The following PAM variants were observed in gnomAD, a reference collection of about 807,000 sequenced individuals.
PAM encodes peptidylglycine alpha-amidating monooxygenase.
A neutral mutation model predicts 122.1 loss-of-function variants in PAM; 72 were observed. The observed-to-expected ratio is 0.59, with a 90% CI of 0.49 to 0.72. The LOEUF (loss-of-function observed/expected upper bound fraction) is 0.72, where lower values mean the gene tolerates loss of function less well. Among genes scored for constraint, PAM ranks in the 30% least tolerant of loss-of-function variants. The pLI, the probability that PAM is intolerant of heterozygous loss-of-function variation, is 0.00. For missense variants in PAM, 1,106 were observed against 1,183.7 expected, an observed-to-expected ratio of 0.93 and a Z score of 0.96; for synonymous variants, 389 against 404.4, an observed-to-expected ratio of 0.96 and a Z score of 0.46.
chr5:103,023,504 C>T (rs1220896625), intron 23 of PAM, among the ~76,000 whole-genome samples: 1 of 143,976 alleles, frequency 6.9e-6, no homozygotes, highest in Non-Finnish European at 1.5e-5. Context: ...CCTATAGCAA[C>T]CAAAAAAAAA....
intron 1 of PAM, among the ~76,000 whole-genome samples, chr5:102,781,774 A>C (rs1219906323): frequency 6.6e-6 from 1 of 152,230 alleles, no homozygotes; most frequent in East Asian, 1.9e-4. Context: ...GATTAAGCCC[A>C]GAAATATTTT....
intron 1 of PAM, among the ~76,000 whole-genome samples, chr5:102,841,444 C>CACAA (rs1778608167): frequency 6.7e-6 from 1 of 149,276 alleles, no homozygotes; most frequent in Non-Finnish European, 1.5e-5. Context: ...CACACACACA[C>CACAA]AAAGTAGTTA....
intron 3 of PAM, among the ~76,000 whole-genome samples, chr5:102,868,706 G>T (rs1255140673): frequency 6.7e-6 from 1 of 148,746 alleles, no homozygotes; most frequent in East Asian, 2.0e-4. Context: ...CCACTAATTG[G>T]GTTTTCAAGC....
intron 7 of PAM, among the ~76,000 whole-genome samples, chr5:102,928,916 G>A (rs1342453197): frequency 6.6e-6 from 1 of 152,030 alleles, no homozygotes; most frequent in African/African-American, 2.4e-5. Flanking sequence ...AAACTGGAAA[G>A]TTCTCAAATG....
intron 16 of PAM, among the ~76,000 whole-genome samples, chr5:102,995,654 A>T (rs1235028647): frequency 1.3e-5 from 2 of 152,092 alleles, no homozygotes; most frequent in Non-Finnish European, 2.9e-5. Flanking sequence ...GGCCTTATTG[A>T]CTGAATAGAA....
chr5:102,925,436 AGACCTCAGCTGGCTTTCT>A (rs1749083769), intron 6 of PAM, among the ~76,000 whole-genome samples: 1 of 152,216 alleles, frequency 6.6e-6, no homozygotes, highest in Non-Finnish European at 1.5e-5. Context: ...TGTGATGCCA[AGACCTCAGCTGGCTTTCT>A]GACTGCACCT....
chr5:102,853,365 T>A (rs1368916367), intron 1 of PAM, among the ~76,000 whole-genome samples: 2 of 152,168 alleles, frequency 1.3e-5, no homozygotes, highest in South Asian at 4.1e-4. Flanking sequence ...GTATTTTAAT[T>A]TGGGTTTTTA....
intron 5 of PAM, among the ~76,000 whole-genome samples, chr5:102,919,519 C>T (rs897836961): frequency 5.9e-5 from 9 of 151,850 alleles, no homozygotes; most frequent in South Asian, 2.1e-4. Flanking sequence ...TTTTTTCTGC[C>T]GTAGGAAACT....
chr5:103,017,511 C>A, intron 22 of PAM, 78 bp downstream of exon 22: 1 of 865,974 alleles, frequency 1.2e-6, no homozygotes, highest in Non-Finnish European at 1.9e-6. Context: ...AAAACATTTG[C>A]ATTTCCTTAT....
intron 15 of PAM, chr5:102,987,369 T>C (rs1195494068): frequency 1.6e-5 from 5 of 311,692 alleles, no homozygotes; most frequent in Non-Finnish European, 3.1e-5. Flanking sequence ...AATAGAATGA[T>C]AGTTACCAGA....
intron 5 of PAM, among the ~76,000 whole-genome samples, chr5:102,921,662 T>C (rs1747502914): frequency 6.6e-6 from 1 of 152,192 alleles, no homozygotes; most frequent in African/African-American, 2.4e-5. Flanking sequence ...GAGAATAAAA[T>C]ATAAAATCAT....
chr5:102,913,986 T>C lies in PAM; in HGVS notation c.321T>C (p.Phe107=), dbSNP rs1477979358. The C allele has an allele frequency of 3.7e-6, 6 of 1,604,174 alleles. No individual in the cohort carries two copies. The highest frequency in any genetic ancestry group is 3.3e-5 in the South Asian group (3 of 90,884). The change falls in exon 5 of 26, where the codon TTT becomes TTC. Residue 107 remains phenylalanine (F), a synonymous_variant. Coordinates refer to ENST00000438793, the MANE Select transcript of PAM (RefSeq NM_001177306.2). ...SMDTVHHMLL[F]GCNMPSSTGS... is the part of the protein sequence containing the mutation. ...ATACTGTCCATCACATGTTACTTTT[T>C]GGATGCAATATGCCTTCATCCACTG...
At chr5:102,976,557 C>A (rs1297920826) in intron 15 of PAM, among the ~76,000 whole-genome samples, 1 of 151,098 alleles carries the variant, frequency 6.6e-6, no homozygotes, top group Non-Finnish European at 1.5e-5. Context: ...CTTCTCCAGG[C>A]AAAGCTGAGA....
intron 1 of PAM, among the ~76,000 whole-genome samples, chr5:102,762,394 A>T (rs1205083020): frequency 1.3e-5 from 2 of 152,122 alleles, no homozygotes; most frequent in East Asian, 3.9e-4. Context: ...ATCTTTTGAG[A>T]ACTGTTTCCA....
intron 1 of PAM, among the ~76,000 whole-genome samples, chr5:102,760,364 A>G (rs965381148): frequency 6.6e-6 from 1 of 152,056 alleles, no homozygotes; most frequent in African/African-American, 2.4e-5. Context: ...CTCACCCTAG[A>G]ATTTTCTGTC....
intron 8 of PAM, 56 bp from the exon 9 acceptor site, chr5:102,948,322 A>G: frequency 5.1e-6 from 5 of 978,886 alleles, no homozygotes; most frequent in Non-Finnish European, 6.5e-6. Context: ...TGTTTTTCCA[A>G]AACAGTCATT....
At chr5:103,022,391 G>C (rs1412405762) in intron 23 of PAM, among the ~76,000 whole-genome samples, 1 of 152,020 alleles carries the variant, frequency 6.6e-6, no homozygotes, top group East Asian at 1.9e-4. Context: ...TCCTGTCCAA[G>C]TTATTCCAAT....
chr5:102,799,543 T>C (rs1764167569), intron 1 of PAM, among the ~76,000 whole-genome samples: 1 of 152,204 alleles, frequency 6.6e-6, no homozygotes. Context: ...AGCCACATAT[T>C]TCTTAGCTAT....
intron 1 of PAM, among the ~76,000 whole-genome samples, chr5:102,843,543 A>G (rs60948595): frequency 0.11 from 16,862 of 152,266 alleles, 2,185 homozygotes; most frequent in African/African-American, 0.31. Context: ...CTTCTCTGTA[A>G]GATCCCTTGT....
Sources: gnomAD v4.1 joint callset for allele counts (sites outside exome capture counted in the v4.1 genomes callset) on GRCh38, gnomAD v4.1.1 for gene constraint, MANE v1.5 for transcripts, NCBI Gene and HGNC (gene_info 2026-07-23, HGNC 2026-07-21) for gene names.